Variants in ARHGEF17 observed in about 807,000 individuals in gnomAD.
ARHGEF17 encodes the protein 164 kDa Rho-specific guanine-nucleotide exchange factor.
In ARHGEF17, 80 loss-of-function variants were observed where a neutral mutation model predicts 174.0. The observed-to-expected ratio is 0.46, with a 90% confidence interval of 0.38 to 0.55. ARHGEF17 has a LOEUF of 0.55. Ranked by LOEUF, ARHGEF17 falls within the 20% of genes least tolerant of loss-of-function variation. The pLI is 0.00. For synonymous variants in ARHGEF17, 1,311 were observed against 1,189.1 expected, an observed-to-expected ratio of 1.10 and a Z score of -2.11; for missense variants, 2,886 against 2,839.7, an observed-to-expected ratio of 1.02 and a Z score of -0.37.
In ARHGEF17 at chr11:73,360,231, A is replaced by G. The variant is rs1373415657; in HGVS notation, c.4207-89A>G. ...GAGGAGACAGTCTCACTTGCTGTCT[A>G]AGGAGAGAGGCAGGTCCCCACACAT... On this transcript the variant is annotated intron_variant, in intron 10 of 20. Coordinates refer to ENST00000263674, the MANE Select transcript of ARHGEF17 (RefSeq NM_014786.4). The G allele has an allele frequency of 2.8e-6, 4 of 1,441,436 alleles. No homozygotes were observed. The East Asian group carries it at 9.1e-5, about 33-fold the overall frequency. The allele number at this position is 1,441,436 out of a possible 1,614,324, so 89.3% of individuals were successfully genotyped here. A position where few individuals can be genotyped will look rare whatever the true frequency, so the allele number is the denominator to read the frequency against.
At chr11:73,341,129 A>G (rs921684085) in intron 1 of ARHGEF17, among the ~76,000 whole-genome samples, 12 of 152,146 alleles carry the variant, frequency 7.9e-5, no homozygotes, top group African/African-American at 2.7e-4. Flanking sequence ...CTGGGAGGAG[A>G]CGGGCCTCAA....
At position 73,311,276 on chromosome 11, in the gene ARHGEF17, A is replaced by G. The variant is rs1216821308; in HGVS notation, c.2638A>G (p.Arg880Gly). 11 of 1,612,966 alleles carry G rather than the reference A, an allele frequency of 6.8e-6. No individual in the cohort carries two copies. Among genetic ancestry groups the G allele is most frequent in the Non-Finnish European group, 6.8e-6 (8 of 1,179,840 alleles). The change falls in exon 1 of 21, where the codon AGG (arginine) becomes GGG (glycine). Residue 880 changes from arginine to glycine, a missense_variant. Around this residue, in one of 4 missense-constraint regions of ARHGEF17, gnomAD observed 1,728 missense variants for 1,461.2 expected, o/e 1.18. Transcript: ENST00000263674. ...AGAGCCAGAAGAACCTGGTGCCACC[A>G]GGAGCCGGGCACAGTCTGAAAGGGC... ...RAEPEEPGAT[R>G]SRAQSERALP...
chr11:73,364,901 T>C (rs960129551), intron 18 of ARHGEF17: 2 of 372,856 alleles, frequency 5.4e-6, no homozygotes, highest in Non-Finnish European at 9.7e-6. Context: ...CTTTCTGATG[T>C]CAACATCCAT....
intron 2 of ARHGEF17, among the ~76,000 whole-genome samples, chr11:73,351,742 C>A (rs1205934564): frequency 6.6e-6 from 1 of 152,074 alleles, no homozygotes; most frequent in East Asian, 1.9e-4. Context: ...CCACTAGGCC[C>A]AGCTAATTTA....
chr11:73,338,188 G>C (rs555592720), intron 1 of ARHGEF17, among the ~76,000 whole-genome samples: 30 of 152,062 alleles, frequency 2.0e-4, no homozygotes, highest in Non-Finnish European at 4.0e-4. Context: ...GGAGAGGAGA[G>C]AAGATAGGGG....
intron 1 of ARHGEF17, among the ~76,000 whole-genome samples, chr11:73,314,080 C>G (rs962042229): frequency 2.0e-4 from 31 of 152,200 alleles, no homozygotes; most frequent in Non-Finnish European, 2.9e-5. Context: ...GGAAGTTCTC[C>G]CATCTGCTAG....
At position 73,310,985 on chromosome 11, in the gene ARHGEF17, C is replaced by A. The variant is rs1291482581; in HGVS notation, c.2347C>A (p.His783Asn). The A allele has an allele frequency of 1.2e-6, 2 of 1,614,144 alleles. No individual in the cohort carries two copies. The highest frequency in any genetic ancestry group is 1.7e-6 in the Non-Finnish European group (2 of 1,180,018). The change falls in exon 1 of 21, where the codon CAC (histidine) becomes AAC (asparagine). Residue 783 changes from histidine (H) to asparagine (N), a missense_variant. Around this residue, in one of 4 missense-constraint regions of ARHGEF17, gnomAD observed 1,728 missense variants for 1,461.2 expected, o/e 1.18. Transcript: ENST00000263674. ...SAMDEGLTSG[H>N]SDWSVGSEES... ...CATGGATGAGGGCTTGACCAGTGGT[C>A]ACAGTGACTGGTCTGTGGGCAGTGA... is the stretch of plus-strand genomic sequence containing the variant.
At position 73,311,602 on chromosome 11, in the gene ARHGEF17, A is replaced by T. The variant is rs144294168; in HGVS notation, c.2964A>T (p.Ile988=). ...VGPPVAVPEP[I]GFPTRAHPTL... ...CCCCTGTGGCTGTGCCAGAACCCAT[A>T]GGCTTCCCTACCCGAGCCCATCCCA... Residue 988 remains isoleucine, a synonymous_variant, in exon 1 of 21, where the codon ATA becomes ATT. Coordinates refer to ENST00000263674, the MANE Select transcript of ARHGEF17 (RefSeq NM_014786.4). The T allele has an allele frequency of 6.2e-7, 1 of 1,613,294 alleles. No individual in the cohort carries two copies. The highest frequency in any genetic ancestry group is 1.3e-5 in the African/African-American group (1 of 74,986).
intron 20 of ARHGEF17, among the ~76,000 whole-genome samples, 194 bp downstream of exon 20, chr11:73,366,141 G>A (rs1254936416): frequency 6.9e-6 from 1 of 144,532 alleles, no homozygotes; most frequent in Non-Finnish European, 1.5e-5. Flanking sequence ...GTGTGTGTGT[G>A]CGCACCTGCA....
At chr11:73,331,798 C>A (rs1361173314) in intron 1 of ARHGEF17, among the ~76,000 whole-genome samples, 1 of 152,168 alleles carries the variant, frequency 6.6e-6, no homozygotes, top group Non-Finnish European at 1.5e-5. Flanking sequence ...AAAACCTCTC[C>A]CAGCTCTCAC....
intron 1 of ARHGEF17, among the ~76,000 whole-genome samples, chr11:73,328,121 A>T (rs1048646614): frequency 6.6e-6 from 1 of 152,158 alleles, no homozygotes; most frequent in African/African-American, 2.4e-5. Flanking sequence ...GAAGTGACCT[A>T]GCTGGCTGAG....
At chr11:73,328,800 A>G (rs576105076) in intron 1 of ARHGEF17, among the ~76,000 whole-genome samples, 140 of 152,268 alleles carry the variant, frequency 9.2e-4, no homozygotes, top group Non-Finnish European at 1.5e-3. Context: ...TGCCCCAGCT[A>G]TGAGGAGGCA....
At position 73,310,202 on chromosome 11, in the gene ARHGEF17, A is replaced by G. The variant is rs1864791139; in HGVS notation, c.1564A>G (p.Ile522Val). 1 of 1,613,854 alleles carries G rather than the reference A, an allele frequency of 6.2e-7. No individual in the cohort carries two copies. The highest frequency in any genetic ancestry group is 2.2e-5 in the East Asian group (1 of 44,870). ...GPVGQLEPIPIPAPASPGTRP... is the reference protein window; with the variant it reads ...GPVGQLEPIPVPAPASPGTRP... Reference sequence around the variant, plus strand: ...TGTGGGGCAACTTGAACCCATACCCATCCCAGCCCCAGCATCACCTGGCAC... The same window carrying G: ...TGTGGGGCAACTTGAACCCATACCCGTCCCAGCCCCAGCATCACCTGGCAC... Residue 522 changes from isoleucine (I) to valine (V), a missense_variant, in exon 1 of 21, where the codon ATC (isoleucine) becomes GTC (valine). Transcript: ENST00000263674.
chr11:73,356,850 C>T (rs970918787), intron 7 of ARHGEF17, 91 bp downstream of exon 7: 2 of 1,580,470 alleles, frequency 1.3e-6, no homozygotes, highest in Admixed American at 3.4e-5. Flanking sequence ...GGTCTCCCTG[C>T]TCTTTCACCC....
At chr11:73,364,401 G>T (rs747568917) in intron 17 of ARHGEF17, 51 bp from the exon 18 acceptor site, 1 of 1,611,914 alleles carries the variant, frequency 6.2e-7, no homozygotes, top group South Asian at 1.1e-5. Flanking sequence ...GGAGACCGAG[G>T]CTCAAATTTA....
rs774001027 is a variant in ARHGEF17, at chr11:73,309,599, G to A, written c.961G>A (p.Ala321Thr). 19 of 1,613,000 alleles carry A rather than the reference G, an allele frequency of 1.2e-5. No homozygotes were observed. Among genetic ancestry groups the A allele is most frequent in the East Asian group, 4.5e-5 (2 of 44,876 alleles). The part of the protein sequence containing the change: ...DGLNLSSMNS[A>T]GVSGSPEPPT... ...GTTAAATCTAAGCAGCATGAACTCA[G>A]CAGGGGTTTCTGGGAGCCCTGAGCC... is the stretch of plus-strand genomic sequence containing the variant. Residue 321 changes from alanine to threonine, a missense_variant, in exon 1 of 21, where the codon GCA becomes ACA. Transcript: ENST00000263674.
rs1318889534 is a variant in ARHGEF17, at chr11:73,355,525, C to A, written c.3454-8C>A. Reference sequence around the variant, plus strand: ...TTGAGGGTCCCCAACCTGCCTCCTCCTCCACAGTTCTCCAAGGATGTCCTA... The same window carrying A: ...TTGAGGGTCCCCAACCTGCCTCCTCATCCACAGTTCTCCAAGGATGTCCTA... On this transcript the variant is annotated splice_region_variant and splice_polypyrimidine_tract_variant and intron_variant, in intron 3 of 20. Coordinates refer to ENST00000263674, the MANE Select transcript of ARHGEF17 (RefSeq NM_014786.4). 6.2e-7 allele frequency: 1 copy of A among 1,609,028 alleles called. No individual in the cohort carries two copies. The highest frequency in any genetic ancestry group is 1.7e-5 in the Admixed American group (1 of 59,992).
chr11:73,322,745 G>A (rs1053058534), intron 1 of ARHGEF17, among the ~76,000 whole-genome samples: 2 of 152,180 alleles, frequency 1.3e-5, no homozygotes, highest in Admixed American at 1.3e-4. Context: ...GAGCAGAGGG[G>A]CTCCCCTCTG....
chr11:73,331,571 C>T (rs1476816780), intron 1 of ARHGEF17, among the ~76,000 whole-genome samples: 1 of 151,998 alleles, frequency 6.6e-6, no homozygotes, highest in East Asian at 1.9e-4. Context: ...AGGGAGGAGG[C>T]AGAAAGGGCC....
Sources: allele counts gnomAD v4.1 joint callset (sites outside exome capture counted in the v4.1 genomes callset), GRCh38; gene constraint gnomAD v4.1.1; regional missense constraint gnomAD v4.1.1; transcripts MANE v1.5; gene names NCBI Gene and HGNC (gene_info 2026-07-23, HGNC 2026-07-21).